The following OCSTAMP variants were observed in gnomAD, a reference collection of about 807,000 sequenced individuals.
OCSTAMP encodes the protein transmembrane protein C20orf123.
Under a neutral mutation model 25.2 loss-of-function variants are expected in OCSTAMP, and 17 were observed. The ratio of observed to expected loss-of-function variants is 0.68; its 90% CI spans 0.46 to 1.01. The LOEUF (loss-of-function observed/expected upper bound fraction) is 1.01. Among genes scored for constraint, OCSTAMP ranks in the 50% least tolerant of loss-of-function variants. The pLI is 0.00. For synonymous variants in OCSTAMP, 345 were observed against 318.9 expected (o/e 1.08, Z -0.87); for missense variants, 664 against 694.6 (o/e 0.96, Z 0.50).
chr20:46,546,235 G>C lies in OCSTAMP; in HGVS notation c.139C>G (p.Gln47Glu). 6.4e-7 allele frequency: 1 copy of C among 1,551,434 alleles called. No homozygotes were observed. The highest frequency in any genetic ancestry group is 8.7e-7 in the Non-Finnish European group (1 of 1,147,008). The change falls in exon 2 of 3, where the codon CAG becomes GAG. Residue 47 changes from glutamine to glutamate, a missense_variant. Coordinates refer to ENST00000279028, the MANE Select transcript of OCSTAMP (RefSeq NM_080721.3). Reference sequence around the variant, plus strand: ...CACAGGAGGAGCTGGGTCAGCAGCTGGCCACAGCTGGCTGGAACAGGCTGG... The same window carrying C: ...CACAGGAGGAGCTGGGTCAGCAGCTCGCCACAGCTGGCTGGAACAGGCTGG... ...FSQPVPASCG[Q>E]LLTQLLLCAS...
At chr20:46,542,610 CATGGGTTACATG>C (rs1004395553) in intron 2 of OCSTAMP, among the ~76,000 whole-genome samples, 7 of 139,908 alleles carry the variant, frequency 5.0e-5, no homozygotes, top group African/African-American at 2.0e-4. Context: ...CAAAGCCACA[CATGGGTTACATG>C]TTGCCAACTC....
chr20:46,546,461 C>T (rs1169584494), intron 1 of OCSTAMP, 132 bp from the exon 2 acceptor site: 17 of 740,284 alleles, frequency 2.3e-5, no homozygotes, highest in Non-Finnish European at 3.5e-5. Context: ...CCCAGGTGGA[C>T]CAATCAGAGT....
At position 46,541,167 on chromosome 20, in the gene OCSTAMP, G is replaced by C. The variant is rs72551124; in HGVS notation, c.*107C>G. 5 of 632,780 alleles carry C rather than the reference G, an allele frequency of 7.9e-6. No homozygotes were observed. Among genetic ancestry groups the C allele is most frequent in the Non-Finnish European group, 1.5e-5 (5 of 343,316 alleles). 39.2% of individuals were successfully genotyped at this position (632,780 alleles called of 1,614,324 possible). Reference sequence around the variant, plus strand: ...ATGATGCAAGGTCTCCATCTAACAAGTAGAGCAGTTGGTGCAGATGAGATG... The same window carrying C: ...ATGATGCAAGGTCTCCATCTAACAACTAGAGCAGTTGGTGCAGATGAGATG... On this transcript the variant is annotated 3_prime_UTR_variant, in exon 3 of 3. Transcript: ENST00000279028.
chr20:46,545,756 C>G lies in OCSTAMP; in HGVS notation c.618G>C (p.Gln206His). 1 of 1,551,616 alleles carries G rather than the reference C, an allele frequency of 6.4e-7. No homozygotes were observed. Among genetic ancestry groups the G allele is most frequent in the African/African-American group, 1.4e-5 (1 of 73,190 alleles). Residue 206 changes from glutamine to histidine, a missense_variant, in exon 2 of 3, where the codon CAG becomes CAC. By Grantham distance (24) the Gln-to-His change is conservative. Transcript: ENST00000279028. ...FYLHMLRVTQ[Q>H]VLEDFSGLES... is the part of the protein sequence containing the mutation. Reference sequence around the variant, plus strand: ...CCAGGCCAGAGAAATCCTCCAGGACCTGCTGAGTGACCCTGAGCATGTGAA... The same window carrying G: ...CCAGGCCAGAGAAATCCTCCAGGACGTGCTGAGTGACCCTGAGCATGTGAA...
chr20:46,545,708 C>T lies in OCSTAMP; in HGVS notation c.666G>A (p.Ala222=), dbSNP rs753850670. 77 of 1,551,484 alleles carry T rather than the reference C, an allele frequency of 5.0e-5. 1 individual carries two copies. Among genetic ancestry groups the T allele is most frequent in the South Asian group, 1.4e-4 (12 of 84,054 alleles). The change falls in exon 2 of 3, where the codon GCG becomes GCA. Residue 222 remains alanine, a synonymous_variant. Coordinates refer to ENST00000279028, the MANE Select transcript of OCSTAMP (RefSeq NM_080721.3). The part of the protein sequence containing the change: ...SGLESLARAA[A]LGTQRVVTGL... ...CTGTGACCACTCGCTGGGTCCCTAG[C>T]GCTGCTGCCCGGGCCAGGGACTCCA...
chr20:46,547,949 G>A (rs1156685924), intron 1 of OCSTAMP, among the ~76,000 whole-genome samples: 1 of 152,192 alleles, frequency 6.6e-6, no homozygotes, highest in Non-Finnish European at 1.5e-5. Flanking sequence ...CAGAGAGTGA[G>A]ACTGAGAACA....
intron 2 of OCSTAMP, among the ~76,000 whole-genome samples, chr20:46,542,868 G>T (rs1310872002): frequency 6.6e-6 from 1 of 152,280 alleles, no homozygotes; most frequent in East Asian, 1.9e-4. Context: ...AACTCCCAAA[G>T]CTTTCAGAAA....
intron 1 of OCSTAMP, among the ~76,000 whole-genome samples, chr20:46,547,145 G>C (rs1457802986): frequency 2.6e-5 from 4 of 152,094 alleles, no homozygotes; most frequent in African/African-American, 9.7e-5. Flanking sequence ...GAAGCACCAA[G>C]GTGTCATTTC....
chr20:46,549,500 G>A (rs2061863589), intron 1 of OCSTAMP, among the ~76,000 whole-genome samples: 1 of 152,192 alleles, frequency 6.6e-6, no homozygotes, highest in South Asian at 2.1e-4. Context: ...CTGGACTGGG[G>A]TGGGATAGAT....
At position 46,541,755 on chromosome 20, in the gene OCSTAMP, GC is replaced by G; in HGVS notation, c.1219del (p.Ala407ProfsTer57). 6.5e-7 allele frequency: 1 copy of G among 1,537,040 alleles called. No individual in the cohort carries two copies. Among genetic ancestry groups the G allele is most frequent in the Non-Finnish European group, 8.8e-7 (1 of 1,141,518 alleles). On this transcript the variant is annotated frameshift_variant, in exon 3 of 3. Coordinates refer to ENST00000279028, the MANE Select transcript of OCSTAMP (RefSeq NM_080721.3). LOFTEE classifies it low-confidence loss of function (END_TRUNC). The part of the protein sequence containing the change: ...PRAAAPLAAG[A>X]LQLLAGSTVL... ...CGTGGAGCCCGCCAGGAGCTGCAGG[GC>G]CCCCGCGGCCAGCGGGGCAGCTGCG...
chr20:46,541,698 C>T lies in OCSTAMP; in HGVS notation c.1277G>A (p.Arg426Gln), dbSNP rs200877331. 8 of 1,549,200 alleles carry T rather than the reference C, an allele frequency of 5.2e-6. No individual in the cohort carries two copies. The highest frequency in any genetic ancestry group is 1.4e-5 in the African/African-American group (1 of 73,044). ...GAAGAAGGAAGCGGCGATGGCATGC[C>T]GCAGGCGGCGGGCGTAGGCCTCCAG... ...VLLEAYARRL[R>Q]HAIAASFFTA... The change falls in exon 3 of 3, where the codon CGG becomes CAG. Residue 426 changes from arginine to glutamine, a missense_variant. Coordinates refer to ENST00000279028, the MANE Select transcript of OCSTAMP (RefSeq NM_080721.3).
chr20:46,545,282 C>T (rs757938186), intron 2 of OCSTAMP, 45 bp downstream of exon 2: 170 of 1,429,334 alleles, frequency 1.2e-4, no homozygotes, highest in Non-Finnish European at 1.5e-4. Context: ...CTCCCCCTGC[C>T]CTCAAAACAA....
Position 46,541,391 on chromosome 20 carries a change from A to T in OCSTAMP, c.1584T>A (p.Ser528=), listed in dbSNP as rs1272279197. ...TATGCAGATGTAGAAACCGAGGCTC[A>T]GAGAGGTGAAGTGACTTACCCAAGG... is the stretch of plus-strand genomic sequence containing the variant. The part of the protein sequence containing the change: ...CVTLGKSLHL[S]EPRFLHLHND... The change falls in exon 3 of 3, where the codon TCT becomes TCA. Residue 528 remains serine, a synonymous_variant. Transcript: ENST00000279028. 1 of 1,006,068 alleles carries T rather than the reference A, an allele frequency of 9.9e-7. No homozygotes were observed. The allele number at this position is 1,006,068 out of a possible 1,614,324, so 62.3% of individuals were successfully genotyped here.
Position 46,550,553 on chromosome 20 carries a change from C to A in OCSTAMP, c.8G>T (p.Gly3Val). Residue 3 changes from glycine to valine, a missense_variant, in exon 1 of 3, where the codon GGC (glycine) becomes GTC (valine). Gly to Val is a moderately radical substitution (Grantham distance 109, BLOSUM62 -3). Transcript: ENST00000279028. Reference sequence around the variant, plus strand: ...AAGTTGCTCAGCTGCTCCTGGGTGGCCTGGCATGCTGTCCAAATGGCAGTG... The same window carrying A: ...AAGTTGCTCAGCTGCTCCTGGGTGGACTGGCATGCTGTCCAAATGGCAGTG... MP[G>V]HPGAAEQLVK... is the part of the protein sequence containing the mutation. 1 of 1,551,670 alleles carries A rather than the reference C, an allele frequency of 6.4e-7. No homozygotes were observed. Among genetic ancestry groups the A allele is most frequent in the Non-Finnish European group, 8.7e-7 (1 of 1,146,960 alleles).
rs552324252 is a variant in OCSTAMP at position 46,546,335 on chromosome 20, C to T, written c.45-6G>A. 3.9e-6 allele frequency: 6 copies of T among 1,542,792 alleles called. No individual in the cohort carries two copies. The highest frequency in any genetic ancestry group is 2.0e-5 in the Admixed American group (1 of 50,766). The stretch of plus-strand genomic sequence containing the variant: ...CCAAGTGCCAGGACCTCCACCTGCA[C>T]ACAAGGAAATTGAAGGGCATCTCTA... On this transcript the variant is annotated splice_region_variant and splice_polypyrimidine_tract_variant and intron_variant, in intron 1 of 2. Coordinates refer to ENST00000279028, the MANE Select transcript of OCSTAMP (RefSeq NM_080721.3).
chr20:46,542,733 G>C (rs2061838444), intron 2 of OCSTAMP, among the ~76,000 whole-genome samples: 1 of 152,282 alleles, frequency 6.6e-6, no homozygotes, highest in South Asian at 2.1e-4. Flanking sequence ...ATGGTATCTA[G>C]AGAGGCAGGG....
At chr20:46,548,806 T>C (rs892994007) in intron 1 of OCSTAMP, among the ~76,000 whole-genome samples, 1 of 152,234 alleles carries the variant, frequency 6.6e-6, no homozygotes, top group African/African-American at 2.4e-5. Context: ...CAAGTACCTC[T>C]GATCCCCTGG....
rs1475408331 is a variant in OCSTAMP at position 46,541,627 on chromosome 20, G to C, written c.1348C>G (p.Gln450Glu). Reference sequence around the variant, plus strand: ...CCTTGGTGCCTGTCGTGTCTTCGCTGGAGCCGGGCGTGCAGGTGGCGGACC... The same window carrying C: ...CCTTGGTGCCTGTCGTGTCTTCGCTCGAGCCGGGCGTGCAGGTGGCGGACC... The part of the protein sequence containing the change: ...RRVRHLHARL[Q>E]RRHDRHQGQQ... Residue 450 changes from glutamine (Q) to glutamate (E), a missense_variant, in exon 3 of 3, where the codon CAG becomes GAG. Physicochemically the swap from Gln to Glu is conservative, Grantham distance 29. Coordinates refer to ENST00000279028, the MANE Select transcript of OCSTAMP (RefSeq NM_080721.3). 6.4e-7 allele frequency: 1 copy of C among 1,551,384 alleles called. No individual in the cohort carries two copies. The highest frequency in any genetic ancestry group is 1.7e-4 in the Middle Eastern group (1 of 5,990).
In OCSTAMP at chr20:46,541,200, T is replaced by A; in HGVS notation, c.*74A>T. The A allele has an allele frequency of 1.5e-6, 1 of 669,256 alleles. No homozygotes were observed. The highest frequency in any genetic ancestry group is 2.8e-6 in the Non-Finnish European group (1 of 357,916). 41.5% of individuals were successfully genotyped at this position (669,256 alleles called of 1,614,324 possible). On this transcript the variant is annotated 3_prime_UTR_variant, in exon 3 of 3. Coordinates refer to ENST00000279028, the MANE Select transcript of OCSTAMP (RefSeq NM_080721.3). The stretch of plus-strand genomic sequence containing the variant: ...GTTGGTGCAGATGAGATGAGCCTGA[T>A]CGCCAACCAGCCTGGAGGAACCATG...
Sources: gnomAD v4.1 joint callset for allele counts (sites outside exome capture counted in the v4.1 genomes callset) on GRCh38, gnomAD v4.1.1 for gene constraint, MANE v1.5 for transcripts, NCBI Gene and HGNC (gene_info 2026-07-23, HGNC 2026-07-21) for gene names.